The following TRIO variants were observed in gnomAD, a reference collection of about 807,000 sequenced individuals.
TRIO encodes trio Rho guanine nucleotide exchange factor, also known as triple functional domain protein.
A neutral mutation model predicts 351.9 loss-of-function variants in TRIO; 58 were observed. The observed-to-expected ratio is 0.16, with a 90% CI of 0.13 to 0.21. TRIO has a LOEUF of 0.21. Ranked by LOEUF, TRIO falls within the 10% of genes least tolerant of loss-of-function variation. TRIO has a pLI of 1.00. For synonymous variants in TRIO, 1,758 were observed against 1,595.7 expected, an observed-to-expected ratio of 1.10 and a Z score of -2.42; for missense variants, 3,201 against 4,027.8, an observed-to-expected ratio of 0.79 and a Z score of 5.56.
Position 14,496,999 on chromosome 5 carries a change from C to A in TRIO, c.8001C>A (p.Ser2667Arg), listed in dbSNP as rs1189643630. 6.2e-7 allele frequency: 1 copy of A among 1,614,098 alleles called. No homozygotes were observed. Among genetic ancestry groups the A allele is most frequent in the East Asian group, 2.2e-5 (1 of 44,888 alleles). Residue 2667 changes from serine to arginine, a missense_variant, in exon 50 of 57, where the codon AGC becomes AGA. Ser to Arg is a moderately radical substitution (Grantham distance 110). Transcript: ENST00000344204. The part of the protein sequence containing the change: ...NGYRKSREGL[S>R]NKVSVKLLNP... ...ATCGGAAGTCACGGGAAGGACTCAGCAACAAGGTATCTGTGAAGGTGTGTT... is the reference window on the plus strand; with the variant it reads ...ATCGGAAGTCACGGGAAGGACTCAGAAACAAGGTATCTGTGAAGGTGTGTT...
At chr5:14,176,913 T>G (rs1389820414) in intron 1 of TRIO, among the ~76,000 whole-genome samples, 1 of 152,248 alleles carries the variant, frequency 6.6e-6, no homozygotes, top group Non-Finnish European at 1.5e-5. Context: ...ATTAAATATT[T>G]TATGCACATA....
At chr5:14,157,566 T>TCC (rs2152118974) in intron 1 of TRIO, among the ~76,000 whole-genome samples, 2 of 149,114 alleles carry the variant, frequency 1.3e-5, no homozygotes, top group Admixed American at 6.7e-5. Context: ...TCTCCCTGTC[T>TCC]CTCTCTCTCT....
Position 14,336,658 on chromosome 5 carries a change from C to T in TRIO, c.1977C>T (p.Phe659=), listed in dbSNP as rs552869777. ...AHQLEDRIQD[F]VRRVEQRKIL... Reference sequence around the variant, plus strand: ...AGCTGGAAGACCGGATTCAAGATTTCGTTCGGCGTGTTGAGCAGCGAAAGA... The same window carrying T: ...AGCTGGAAGACCGGATTCAAGATTTTGTTCGGCGTGTTGAGCAGCGAAAGA... The change falls in exon 11 of 57, where the codon TTC becomes TTT. Residue 659 remains phenylalanine, a synonymous_variant. Transcript: ENST00000344204. 1.2e-5 allele frequency: 19 copies of T among 1,614,224 alleles called. No homozygotes were observed. The highest frequency in any genetic ancestry group is 4.5e-5 in the East Asian group (2 of 44,880).
intron 55 of TRIO, among the ~76,000 whole-genome samples, chr5:14,505,954 C>A (rs1033833858): frequency 6.6e-6 from 1 of 152,234 alleles, no homozygotes; most frequent in Admixed American, 6.5e-5. Flanking sequence ...TCCCTCTCAT[C>A]GGCTCATTTC....
chr5:14,187,713 T>C (rs1425307621), intron 1 of TRIO, among the ~76,000 whole-genome samples: 1 of 152,256 alleles, frequency 6.6e-6, no homozygotes, highest in Non-Finnish European at 1.5e-5. Flanking sequence ...GTGATATGAA[T>C]GTTTATTTTA....
Position 14,420,126 on chromosome 5 carries a change from C to T in TRIO, c.5203+105C>T, listed in dbSNP as rs148602104. 408 of 1,505,744 alleles carry T rather than the reference C, an allele frequency of 2.7e-4. 1 individual carries two copies. In the African/African-American group the frequency reaches 5.3e-3, roughly 19 times the overall value. 93.3% of individuals were successfully genotyped at this position (1,505,744 alleles called of 1,614,324 possible). On this transcript the variant is annotated intron_variant, in intron 34 of 56. Coordinates refer to ENST00000344204, the MANE Select transcript of TRIO (RefSeq NM_007118.4). The stretch of plus-strand genomic sequence containing the variant: ...TGTTAATGTGCATGAGCTTCCTTGT[C>T]AGCTGTGCCTTCAGCACATGGTCAC...
rs1753939855 is a variant in TRIO at position 14,462,933 on chromosome 5, G to A, written c.5667+8G>A. On this transcript the variant is annotated splice_region_variant and intron_variant, in intron 36 of 56. Coordinates refer to ENST00000344204, the MANE Select transcript of TRIO (RefSeq NM_007118.4). ...GACTCACAGGATGACAAGGTAAAGGGGGATGAGGGCTGGGGAATCCATGCC... is the reference window on the plus strand; with the variant it reads ...GACTCACAGGATGACAAGGTAAAGGAGGATGAGGGCTGGGGAATCCATGCC... 2 of 1,576,964 alleles carry A rather than the reference G, an allele frequency of 1.3e-6. No homozygotes were observed. Among genetic ancestry groups the A allele is most frequent in the Non-Finnish European group, 1.7e-6 (2 of 1,163,044 alleles).
Position 14,461,055 on chromosome 5 carries a change from C to A in TRIO, c.5240C>A (p.Pro1747His). Residue 1747 changes from proline (P) to histidine (H), a missense_variant, in exon 35 of 57, where the codon CCC becomes CAC. By Grantham distance (77) the Pro-to-His change is moderately conservative. Coordinates refer to ENST00000344204, the MANE Select transcript of TRIO (RefSeq NM_007118.4). ...LSVSSNDASP[P>H]ASVASLQPHM... Reference sequence around the variant, plus strand: ...GTCTCCAGCAATGACGCCAGTCCACCCGCATCCGTGGCTTCCCTCCAGCCC... The same window carrying A: ...GTCTCCAGCAATGACGCCAGTCCACACGCATCCGTGGCTTCCCTCCAGCCC... 1 of 1,583,406 alleles carries A rather than the reference C, an allele frequency of 6.3e-7. No individual in the cohort carries two copies.
rs1746677877 is a variant in TRIO, at chr5:14,387,800, T to C, written c.3834T>C (p.Ala1278=). ...GCTCAGAGGTGAAACTTCGAGATGC[T>C]GCTCATGAACTTAATGAAGAGAAGC... ...IPGSEVKLRD[A]AHELNEEKRK... is the part of the protein sequence containing the mutation. Residue 1278 remains alanine, a synonymous_variant, in exon 23 of 57, where the codon GCT becomes GCC. Coordinates refer to ENST00000344204, the MANE Select transcript of TRIO (RefSeq NM_007118.4). The C allele has an allele frequency of 6.2e-7, 1 of 1,614,232 alleles. No individual in the cohort carries two copies. The highest frequency in any genetic ancestry group is 8.5e-7 in the Non-Finnish European group (1 of 1,180,036).
At chr5:14,187,224 C>G (rs1790176847) in intron 1 of TRIO, among the ~76,000 whole-genome samples, 1 of 152,186 alleles carries the variant, frequency 6.6e-6, no homozygotes, top group South Asian at 2.1e-4. Flanking sequence ...TTTCCCCACT[C>G]CACTGTTTCA....
intron 34 of TRIO, among the ~76,000 whole-genome samples, chr5:14,430,381 C>T (rs980752465): frequency 4.6e-5 from 7 of 152,254 alleles, no homozygotes; most frequent in Admixed American, 3.3e-4. Context: ...TGTAAATCAT[C>T]TTTCATCAAC....
At chr5:14,280,278 G>T in intron 2 of TRIO, 44 bp from the exon 3 acceptor site, 1 of 1,553,976 alleles carries the variant, frequency 6.4e-7, no homozygotes, top group African/African-American at 1.4e-5. Flanking sequence ...TAGGATTTCT[G>T]TCTTATCTTG....
intron 32 of TRIO, chr5:14,406,361 G>A (rs986929686): frequency 1.7e-6 from 1 of 580,686 alleles, no homozygotes; most frequent in Non-Finnish European, 3.1e-6. Context: ...TTATGGTGAT[G>A]GGAATCCAAC....
At chr5:14,291,459 G>T (rs147516269) in intron 5 of TRIO, among the ~76,000 whole-genome samples, 66 of 151,634 alleles carry the variant, frequency 4.4e-4, no homozygotes, top group African/African-American at 1.5e-3. Flanking sequence ...TTATTCTTTG[G>T]TCTAGGATGC....
At position 14,487,719 on chromosome 5, in the gene TRIO, A is replaced by G. The variant is rs772460643; in HGVS notation, c.7091A>G (p.Asp2364Gly). Reference protein sequence around the residue: ...SSAASSQAEADKMSGTSTPGP... With the variant: ...SSAASSQAEAGKMSGTSTPGP... ...GCAGCCTCGAGCCAGGCAGAGGCAGACAAGATGTCAGGTACGTCCACCCCC... is the reference window on the plus strand; with the variant it reads ...GCAGCCTCGAGCCAGGCAGAGGCAGGCAAGATGTCAGGTACGTCCACCCCC... Residue 2364 changes from aspartate to glycine, a missense_variant, in exon 48 of 57, where the codon GAC becomes GGC. By Grantham distance (94) the Asp-to-Gly change is moderately conservative. Around this residue, in one of 19 missense-constraint regions of TRIO, gnomAD observed 1,089 missense variants for 954.9 expected, o/e 1.14. Transcript: ENST00000344204. 7.6e-6 allele frequency: 11 copies of G among 1,438,114 alleles called. No homozygotes were observed. Among genetic ancestry groups the G allele is most frequent in the Non-Finnish European group, 9.2e-6 (10 of 1,086,300 alleles). The allele number at this position is 1,438,114 out of a possible 1,614,324, so 89.1% of individuals were successfully genotyped here.
chr5:14,501,769 G>A (rs986697773), intron 53 of TRIO, among the ~76,000 whole-genome samples: 34 of 152,222 alleles, frequency 2.2e-4, no homozygotes, highest in African/African-American at 7.2e-4. Context: ...TCAGGTGAGC[G>A]GGCCGAAAGA....
chr5:14,214,903 T>C (rs1438943191), intron 1 of TRIO, among the ~76,000 whole-genome samples: 1 of 152,246 alleles, frequency 6.6e-6, no homozygotes, highest in East Asian at 1.9e-4. Context: ...AGTTATGATG[T>C]TATTTTTTCC....
intron 10 of TRIO, among the ~76,000 whole-genome samples, chr5:14,332,036 C>A (rs1469828607): frequency 1.3e-5 from 2 of 152,180 alleles, no homozygotes; most frequent in Non-Finnish European, 1.5e-5. Context: ...CAGTAAAGCC[C>A]AGAAAACTCA....
chr5:14,163,914 C>T (rs1202629245), intron 1 of TRIO, among the ~76,000 whole-genome samples: 1 of 152,142 alleles, frequency 6.6e-6, no homozygotes, highest in African/African-American at 2.4e-5. Flanking sequence ...ATGTGTCATA[C>T]AGTAGGAAAT....
Sources: gnomAD v4.1 joint callset for allele counts (sites outside exome capture counted in the v4.1 genomes callset) on GRCh38, gnomAD v4.1.1 for gene constraint, gnomAD v4.1.1 regional missense constraint, MANE v1.5 for transcripts, NCBI Gene and HGNC (gene_info 2026-07-23, HGNC 2026-07-21) for gene names.